The following WASF3 variants were observed in gnomAD, a reference collection of about 807,000 sequenced individuals.
WASF3 encodes the protein WASP family member 3, also known as actin-binding protein WASF3.
A neutral mutation model predicts 46.6 loss-of-function variants in WASF3; 11 were observed. That is an observed-to-expected ratio of 0.24 (90% CI 0.15 to 0.39). The LOEUF is 0.39. WASF3 is among the 10% of genes least tolerant of loss of function. WASF3 has a pLI of 1.00. For synonymous variants in WASF3, 242 were observed against 259.7 expected (o/e 0.93, Z 0.65); for missense variants, 576 against 669.8 (o/e 0.86, Z 1.55).
upstream of WASF3, among the ~76,000 whole-genome samples, chr13:26,555,453 A>AT (rs1471732253): frequency 2.0e-5 from 3 of 152,070 alleles, no homozygotes; most frequent in Non-Finnish European, 4.4e-5. Context: ...AATACTTAGC[A>AT]TTTCAGACTC....
upstream of WASF3, among the ~76,000 whole-genome samples, chr13:26,554,040 T>TTTCC (rs1172684562): frequency 1.9e-3 from 66 of 35,536 alleles, 1 homozygote; most frequent in East Asian, 4.1e-3. Flanking sequence ...TTTCTCTTTC[T>TTTCC]TTCCTTCCTT....
rs963241373 is a variant in WASF3, at chr13:26,686,236, G to A, written c.*391G>A. The A allele has an allele frequency of 1.2e-5, 2 of 165,222 alleles. No individual in the cohort carries two copies. Among genetic ancestry groups the A allele is most frequent in the African/African-American group, 4.8e-5 (2 of 42,030 alleles). 10.2% of individuals were successfully genotyped at this position (165,222 alleles called of 1,614,324 possible). On this transcript the variant is annotated 3_prime_UTR_variant, in exon 10 of 10. Coordinates refer to ENST00000335327, the MANE Select transcript of WASF3 (RefSeq NM_006646.6). ...CTGCAAGACTAATGACTATGTCAGA[G>A]TGATGTCTTCCAACCAGTAAGTGAT... is the stretch of plus-strand genomic sequence containing the variant.
intron 9 of WASF3, among the ~76,000 whole-genome samples, chr13:26,684,433 CTG>C (rs1883339381): frequency 1.3e-5 from 2 of 148,366 alleles, no homozygotes; most frequent in African/African-American, 2.5e-5. Context: ...AACACAAAGA[CTG>C]TGAAGAACTA....
intron 1 of WASF3, among the ~76,000 whole-genome samples, chr13:26,598,649 C>T (rs7995895): frequency 0.77 from 117,277 of 152,056 alleles, 45,781 homozygotes; most frequent in East Asian, 0.9. Flanking sequence ...AGTGGGATCA[C>T]GAGTTTGTTT....
intron 1 of WASF3, among the ~76,000 whole-genome samples, chr13:26,597,985 A>G (rs1880527069): frequency 6.6e-6 from 1 of 152,192 alleles, no homozygotes; most frequent in Non-Finnish European, 1.5e-5. Context: ...ATACCCAGTA[A>G]TGGGATTGCT....
chr13:26,541,293 G>A, the WASF3 span, among the ~76,000 whole-genome samples: 1 of 152,082 alleles, frequency 6.6e-6, no homozygotes, highest in African/African-American at 2.4e-5. Context: ...GCAGGGAAAG[G>A]CGGAACTTAA....
chr13:26,677,875 C>T (rs928126013), intron 7 of WASF3, among the ~76,000 whole-genome samples: 13 of 152,054 alleles, frequency 8.5e-5, no homozygotes, highest in African/African-American at 3.1e-4. Context: ...AATAATTTAG[C>T]TATGATTGTT....
At position 26,681,363 on chromosome 13, in the gene WASF3, A is replaced by C. The variant is rs754779748; in HGVS notation, c.983+43A>C. ...GTACCCTAATCCCTCCTGGCCTTGC[A>C]TTTGAATCTTGCTCTATGTGGTAGG... On this transcript the variant is annotated intron_variant, in intron 8 of 9. Coordinates refer to ENST00000335327, the MANE Select transcript of WASF3 (RefSeq NM_006646.6). The C allele has an allele frequency of 2.0e-5, 30 of 1,505,858 alleles. No homozygotes were observed. The East Asian group carries it at 6.7e-4, about 34-fold the overall frequency. The allele number at this position is 1,505,858 out of a possible 1,614,324, so 93.3% of individuals were successfully genotyped here. A position where few individuals can be genotyped will look rare whatever the true frequency, so the allele number is the denominator to read the frequency against.
intron 2 of WASF3, among the ~76,000 whole-genome samples, chr13:26,622,221 T>C (rs186022239): frequency 7.2e-5 from 11 of 152,310 alleles, no homozygotes; most frequent in African/African-American, 2.4e-4. Flanking sequence ...TCATTAACAC[T>C]GTCAGGTTCT....
chr13:26,562,509 T>A (rs1354853410), intron 1 of WASF3, among the ~76,000 whole-genome samples: 2 of 151,986 alleles, frequency 1.3e-5, no homozygotes, highest in East Asian at 3.9e-4. Context: ...TAGGGGTGGT[T>A]ATAGGGAGGG....
intron 1 of WASF3, among the ~76,000 whole-genome samples, chr13:26,573,964 A>G (rs1341945998): frequency 6.6e-6 from 1 of 152,130 alleles, no homozygotes; most frequent in Non-Finnish European, 1.5e-5. Flanking sequence ...TGTTAAATTC[A>G]TCTGTTATTT....
intron 2 of WASF3, 141 bp downstream of exon 2, chr13:26,613,199 A>G (rs1881029666): frequency 6.6e-6 from 1 of 150,660 alleles, no homozygotes; most frequent in South Asian, 2.1e-4. Flanking sequence ...TTTAATATAT[A>G]AATATTAACA....
chr13:26,569,791 A>G (rs958477505), intron 1 of WASF3, among the ~76,000 whole-genome samples: 4 of 152,190 alleles, frequency 2.6e-5, no homozygotes, highest in African/African-American at 9.7e-5. Flanking sequence ...GATGATATCA[A>G]TCAATTTGGT....
Position 26,642,352 on chromosome 13 carries a change from T to C in WASF3, c.82T>C (p.Cys28Arg). Residue 28 changes from cysteine (C) to arginine (R), a missense_variant, in exon 3 of 10, where the codon TGT (cysteine) becomes CGT (arginine). Around this residue, in one of 3 missense-constraint regions of WASF3, gnomAD observed 213 missense variants for 278.0 expected, o/e 0.77. Transcript: ENST00000335327. The stretch of plus-strand genomic sequence containing the variant: ...TGAAGGGATTACCAGCGAACTTGAA[T>C]GTGTAACCAATAGTACTCTTGCCGC... Reference protein sequence around the residue: ...LPEGITSELECVTNSTLAAII... With the variant: ...LPEGITSELERVTNSTLAAII... The C allele has an allele frequency of 6.2e-7, 1 of 1,612,502 alleles. No homozygotes were observed. Among genetic ancestry groups the C allele is most frequent in the Non-Finnish European group, 8.5e-7 (1 of 1,179,428 alleles).
chr13:26,659,299 G>C (rs1882554962), intron 3 of WASF3, among the ~76,000 whole-genome samples: 1 of 152,184 alleles, frequency 6.6e-6, no homozygotes, highest in African/African-American at 2.4e-5. Flanking sequence ...CTGGGGAGAA[G>C]GGGGATGCTT....
chr13:26,626,604 T>TA (rs1881469334), intron 2 of WASF3, among the ~76,000 whole-genome samples: 2 of 152,182 alleles, frequency 1.3e-5, no homozygotes, highest in African/African-American at 4.8e-5. Context: ...TAAAATTGGA[T>TA]AAAAAAGCAA....
chr13:26,559,826 T>TCTTTCTTTCTTTCTTTCTTTC (rs1240300106), intron 1 of WASF3, among the ~76,000 whole-genome samples: 3 of 129,394 alleles, frequency 2.3e-5, no homozygotes, highest in Admixed American at 8.1e-5. Flanking sequence ...TTTTTTTTTT[T>TCTTTCTTTCTTTCTTTCTTTC]TTTTTTTTGA....
chr13:26,590,299 A>T (rs139293372), intron 1 of WASF3, among the ~76,000 whole-genome samples: 2 of 152,222 alleles, frequency 1.3e-5, no homozygotes, highest in Non-Finnish European at 2.9e-5. Flanking sequence ...TTCTGTACTA[A>T]TAAGATTGCC....
chr13:26,543,333 T>C, the WASF3 span, among the ~76,000 whole-genome samples: 2 of 152,232 alleles, frequency 1.3e-5, no homozygotes, highest in Non-Finnish European at 1.5e-5. Context: ...GAAACTGGGA[T>C]GCCATGTGGG....
Sources: allele counts gnomAD v4.1 joint callset (sites outside exome capture counted in the v4.1 genomes callset), GRCh38; gene constraint gnomAD v4.1.1; regional missense constraint gnomAD v4.1.1; transcripts MANE v1.5; gene names NCBI Gene and HGNC (gene_info 2026-07-23, HGNC 2026-07-21).